The following DRD3 variants were observed in gnomAD, a reference collection of about 807,000 sequenced individuals.
DRD3 encodes the protein dopamine receptor D3, also known as D(3) dopamine receptor.
Under a neutral mutation model 36.3 loss-of-function variants are expected in DRD3, and 19 were observed. That is an observed-to-expected ratio of 0.52 (90% CI 0.36 to 0.77). DRD3 has a LOEUF of 0.77. DRD3 is among the 30% of genes least tolerant of loss of function. DRD3 has a pLI of 0.00. For missense variants in DRD3, 465 were observed against 505.3 expected, an observed-to-expected ratio of 0.92 and a Z score of 0.77; for synonymous variants, 195 against 203.7, an observed-to-expected ratio of 0.96 and a Z score of 0.36.
intron 1 of DRD3, among the ~76,000 whole-genome samples, chr3:114,191,737 A>G (rs1401312806): frequency 6.6e-6 from 1 of 152,154 alleles, no homozygotes; most frequent in Non-Finnish European, 1.5e-5. Context: ...ATTGGGTTAT[A>G]TATGAGGACT....
At chr3:114,190,516 A>G (rs1199949371) in intron 1 of DRD3, among the ~76,000 whole-genome samples, 33 of 123,160 alleles carry the variant, frequency 2.7e-4, no homozygotes, top group Admixed American at 1.2e-3. Flanking sequence ...GAGCAAACCA[A>G]TAAACAGAAA....
intron 2 of DRD3, among the ~76,000 whole-genome samples, chr3:114,166,116 T>G (rs112718054): frequency 0.086 from 12,981 of 151,402 alleles, 670 homozygotes; most frequent in South Asian, 0.15. Flanking sequence ...CTCCCAAGTA[T>G]CTGGGATTAC....
intron 6 of DRD3, 108 bp from the exon 7 acceptor site, chr3:114,129,020 A>C (rs939208653): frequency 9.8e-6 from 12 of 1,225,346 alleles, no homozygotes; most frequent in African/African-American, 1.5e-5. Flanking sequence ...ACTAAGCTGG[A>C]AGTTTTGCAT....
Position 114,139,387 on chromosome 3 carries a change from T to C in DRD3, c.723+113A>G, listed in dbSNP as rs191322641. ...AAATTAGCAGATTCCAAAGTCGGTG[T>C]CAGATTTGTGTCTCCAATTTAGCTA... On this transcript the variant is annotated intron_variant, in intron 5 of 6. Transcript: ENST00000383673. 2.6e-4 allele frequency: 266 copies of C among 1,042,180 alleles called. 2 individuals are homozygous for C. In the African/African-American group the frequency reaches 3.8e-3, roughly 15 times the overall value. The allele number at this position is 1,042,180 out of a possible 1,614,324, so 64.6% of individuals were successfully genotyped here.
Position 114,139,481 on chromosome 3 carries a change from C to T in DRD3, c.723+19G>A, listed in dbSNP as rs1286179348. On this transcript the variant is annotated intron_variant, in intron 5 of 6. Transcript: ENST00000383673. The stretch of plus-strand genomic sequence containing the variant: ...GAGATTGGGTGTTGTCTTCCCTCTA[C>T]CCCCTCCAGGGTACTTACTTGCTGG... 6.2e-7 allele frequency: 1 copy of T among 1,606,904 alleles called. No individual in the cohort carries two copies. The highest frequency in any genetic ancestry group is 8.5e-7 in the Non-Finnish European group (1 of 1,176,120).
At position 114,159,386 on chromosome 3, in the gene DRD3, A is replaced by T. The variant is rs530343843; in HGVS notation, c.383+369T>A. Among the ~76,000 whole-genome samples the T allele has an allele frequency of 2.6e-5, 4 of 151,632 alleles. No individual in the cohort carries two copies. The South Asian group carries it at 6.3e-4, about 24-fold the overall frequency. ...TCCCTTCAACAAAAACAAACAAAAC[A>T]ACAACAGAATTTCCTACCAACCCCA... On this transcript the variant is annotated intron_variant, in intron 3 of 6. Coordinates refer to ENST00000383673, the MANE Select transcript of DRD3 (RefSeq NM_000796.6).
chr3:114,168,718 G>C (rs1474613205), intron 2 of DRD3, among the ~76,000 whole-genome samples: 1 of 152,142 alleles, frequency 6.6e-6, no homozygotes, highest in Non-Finnish European at 1.5e-5. Context: ...TGACACCATG[G>C]GGCAGCTGAA....
chr3:114,193,096 G>A (rs1333254626), intron 1 of DRD3, among the ~76,000 whole-genome samples: 3 of 151,948 alleles, frequency 2.0e-5, no homozygotes, highest in Admixed American at 6.6e-5. Context: ...TGGCTAACAC[G>A]GTGAAACCCC....
intron 1 of DRD3, among the ~76,000 whole-genome samples, chr3:114,190,126 C>T (rs1244320300): frequency 6.6e-6 from 1 of 151,794 alleles, no homozygotes; most frequent in African/African-American, 2.4e-5. Context: ...TTAGATAGAG[C>T]CAGTATCACA....
chr3:114,152,437 GA>G (rs2077626311), intron 3 of DRD3, among the ~76,000 whole-genome samples: 1 of 152,206 alleles, frequency 6.6e-6, no homozygotes, highest in African/African-American at 2.4e-5. Context: ...CTGTGACAAA[GA>G]TTTTTGTTCA....
At chr3:114,156,394 T>C (rs1440480648) in intron 3 of DRD3, among the ~76,000 whole-genome samples, 1 of 152,174 alleles carries the variant, frequency 6.6e-6, no homozygotes, top group Non-Finnish European at 1.5e-5. Context: ...TCTCCTGGAA[T>C]CTTGTGTTCT....
chr3:114,195,135 A>G (rs1383958114), intron 1 of DRD3, among the ~76,000 whole-genome samples: 1 of 152,216 alleles, frequency 6.6e-6, no homozygotes, highest in Non-Finnish European at 1.5e-5. Flanking sequence ...ATAAAGGTGG[A>G]TGAAGATGGG....
intron 2 of DRD3, among the ~76,000 whole-genome samples, chr3:114,162,392 T>A (rs904803161): frequency 6.6e-5 from 10 of 152,084 alleles, no homozygotes; most frequent in Non-Finnish European, 1.3e-4. Flanking sequence ...GGGGATGGAG[T>A]TATTGTTACT....
In DRD3 at chr3:114,127,582, C is replaced by T. The variant is rs1442440817; in HGVS notation, c.*1134G>A. Among the ~76,000 whole-genome samples the T allele has an allele frequency of 6.6e-6, 1 of 152,200 alleles. No homozygotes were observed. The highest frequency in any genetic ancestry group is 1.5e-5 in the Non-Finnish European group (1 of 68,040). On this transcript the variant is annotated 3_prime_UTR_variant, in exon 7 of 7. Transcript: ENST00000383673. ...GGTGAAAAGTTTAGTATAGTAAATA[C>T]ATAAACCAGTAACATAGTCATTTAT...
At chr3:114,183,397 A>G (rs2077958514), upstream of DRD3, among the ~76,000 whole-genome samples, 1 of 152,132 alleles carries the variant, frequency 6.6e-6, no homozygotes, top group Admixed American at 6.5e-5. Flanking sequence ...TGTGCATATC[A>G]TTGTTGTTGG....
At chr3:114,186,008 T>C (rs1284478529) in intron 1 of DRD3, among the ~76,000 whole-genome samples, 4 of 152,224 alleles carry the variant, frequency 2.6e-5, no homozygotes, top group African/African-American at 9.6e-5. Context: ...GTGTTTTGTT[T>C]ACTACTTTAA....
At chr3:114,148,978 G>A (rs779150715) in intron 3 of DRD3, among the ~76,000 whole-genome samples, 1 of 152,160 alleles carries the variant, frequency 6.6e-6, no homozygotes, top group Admixed American at 6.5e-5. Flanking sequence ...CTCCCAAAGT[G>A]CTAGGATTAT....
chr3:114,145,964 T>G (rs1432625413), intron 4 of DRD3, among the ~76,000 whole-genome samples: 1 of 152,222 alleles, frequency 6.6e-6, no homozygotes, highest in Non-Finnish European at 1.5e-5. Flanking sequence ...CACTGTAATT[T>G]TATCCCACAT....
Position 114,142,067 on chromosome 3 carries a change from A to G in DRD3, c.527-2371T>C, listed in dbSNP as rs1000199586. Among the ~76,000 whole-genome samples, 11 of 147,352 alleles carry G rather than the reference A, an allele frequency of 7.5e-5. 1 individual carries two copies. Among genetic ancestry groups the G allele is most frequent in the Non-Finnish European group, 1.0e-4 (7 of 66,754 alleles). On this transcript the variant is annotated intron_variant, in intron 4 of 6. Coordinates refer to ENST00000383673, the MANE Select transcript of DRD3 (RefSeq NM_000796.6). ...TCTCTCAAAAAAAAAAAAAAAAAAA[A>G]AAAAAGAAAAGAAAAGAAAATGGCT...
Sources: gnomAD v4.1 joint callset for allele counts (sites outside exome capture counted in the v4.1 genomes callset) on GRCh38, gnomAD v4.1.1 for gene constraint, MANE v1.5 for transcripts, NCBI Gene and HGNC (gene_info 2026-07-23, HGNC 2026-07-21) for gene names.